The following KSR2 variants were observed in gnomAD, a reference collection of about 807,000 sequenced individuals.
The protein encoded by KSR2 is kinase suppressor of ras 2.
Under a neutral mutation model 107.8 loss-of-function variants are expected in KSR2, and 25 were observed. That is an observed-to-expected ratio of 0.23 (90% CI 0.17 to 0.32). The LOEUF (loss-of-function observed/expected upper bound fraction) is 0.32, where lower values mean the gene tolerates loss of function less well. KSR2 is among the 10% of genes least tolerant of loss of function. KSR2 has a pLI of 1.00. For missense variants in KSR2, 887 were observed against 1,268.9 expected, an observed-to-expected ratio of 0.70 and a Z score of 4.57; for synonymous variants, 480 against 507.0, an observed-to-expected ratio of 0.95 and a Z score of 0.71.
At chr12:117,672,046 C>T (rs2136501827) in intron 4 of KSR2, among the ~76,000 whole-genome samples, 1 of 152,316 alleles carries the variant, frequency 6.6e-6, no homozygotes, top group South Asian at 2.1e-4. Context: ...CTGCTTATCT[C>T]CCCAGGGGCC....
intron 5 of KSR2, among the ~76,000 whole-genome samples, chr12:117,629,753 C>A (rs1233271066): frequency 1.3e-5 from 2 of 152,132 alleles, no homozygotes; most frequent in South Asian, 4.2e-4. Flanking sequence ...TTAAAATGTC[C>A]TTTAATTGAT....
At chr12:117,687,842 T>C (rs191082116) in intron 4 of KSR2, among the ~76,000 whole-genome samples, 2 of 152,220 alleles carry the variant, frequency 1.3e-5, no homozygotes, top group African/African-American at 4.8e-5. Flanking sequence ...CTCAATCTAG[T>C]AGTGGTCCCT....
chr12:117,849,710 GAGAC>G (rs529678913), intron 3 of KSR2, among the ~76,000 whole-genome samples: 18 of 152,170 alleles, frequency 1.2e-4, no homozygotes, highest in Non-Finnish European at 2.5e-4. Context: ...GAAAGAGAGA[GAGAC>G]AGACAGACAG....
chr12:117,916,068 G>T (rs1486218540), intron 1 of KSR2, among the ~76,000 whole-genome samples: 1 of 151,172 alleles, frequency 6.6e-6, no homozygotes, highest in Non-Finnish European at 1.5e-5. Context: ...AGGGGCTGAA[G>T]ATGAATTCTT....
chr12:117,797,615 A>G (rs1055813859), intron 3 of KSR2, among the ~76,000 whole-genome samples: 4 of 151,346 alleles, frequency 2.6e-5, no homozygotes, highest in African/African-American at 9.8e-5. Flanking sequence ...TGTTCACTTT[A>G]AAACGATTAA....
chr12:117,879,634 T>C (rs1346152482), intron 1 of KSR2, among the ~76,000 whole-genome samples: 1 of 152,240 alleles, frequency 6.6e-6, no homozygotes, highest in Non-Finnish European at 1.5e-5. Flanking sequence ...AGAGGATTGC[T>C]TGAGCCCAGG....
At position 117,453,049 on chromosome 12, in the gene KSR2, T is replaced by C. The variant is rs1870415268; in HGVS notation, c.*14150A>G. 6.6e-6 allele frequency: 1 copy of C among 152,628 alleles called. No homozygotes were observed. Among genetic ancestry groups the C allele is most frequent in the Admixed American group, 6.5e-5 (1 of 15,284 alleles). 9.5% of individuals were successfully genotyped at this position (152,628 alleles called of 1,614,324 possible). ...CAGACCTGTCTTGGCAGTAGTGCAA[T>C]GCAGTAATTCTCAAATTTTTTATTG... On this transcript the variant is annotated 3_prime_UTR_variant, in exon 20 of 20. Transcript: ENST00000339824.
chr12:117,878,765 C>T (rs1236402815), intron 1 of KSR2, among the ~76,000 whole-genome samples: 2 of 152,212 alleles, frequency 1.3e-5, no homozygotes, highest in Non-Finnish European at 2.9e-5. Context: ...AAGCAGGTCT[C>T]ACTGCAGCAA....
chr12:117,772,713 AACAC>A (rs895435108), intron 3 of KSR2, among the ~76,000 whole-genome samples: 1 of 121,024 alleles, frequency 8.3e-6, no homozygotes, highest in African/African-American at 3.2e-5. Context: ...AAGATGCACA[AACAC>A]ACACTCACAC....
chr12:117,855,446 T>C lies in KSR2; in HGVS notation c.454A>G (p.Arg152Gly). The part of the protein sequence containing the change: ...ARLNASLSCL[R>G]NVHMSGGNLS... ...TGCTCACCTGACATGTGGACATTCC[T>C]GAGGCAGGAGAGGGAGGCGTTGAGG... The change falls in exon 3 of 20, where the codon AGG (arginine) becomes GGG (glycine). Residue 152 changes from arginine (R) to glycine (G), a missense_variant. Around this residue, in one of 8 missense-constraint regions of KSR2, gnomAD observed 399 missense variants for 479.5 expected, o/e 0.83. Coordinates refer to ENST00000339824, the MANE Select transcript of KSR2 (RefSeq NM_173598.6). 2 of 1,613,992 alleles carry C rather than the reference T, an allele frequency of 1.2e-6. No individual in the cohort carries two copies. The highest frequency in any genetic ancestry group is 1.7e-6 in the Non-Finnish European group (2 of 1,179,894).
chr12:117,842,118 G>A lies in KSR2; in HGVS notation c.472+13310C>T, dbSNP rs931490806. ...AGATTTCTGGGCACTGCCCCGGACT[G>A]GCTGAAGCAGGAACTCTGGGAGTGG... On this transcript the variant is annotated intron_variant, in intron 3 of 19. Coordinates refer to ENST00000339824, the MANE Select transcript of KSR2 (RefSeq NM_173598.6). The surrounding 1 kb of genome is among the most constrained non-coding windows in gnomAD (Gnocchi z 4.2). Among the ~76,000 whole-genome samples the A allele has an allele frequency of 6.6e-6, 1 of 152,246 alleles. No homozygotes were observed.
intron 4 of KSR2, among the ~76,000 whole-genome samples, chr12:117,702,203 C>A (rs564912519): frequency 6.6e-6 from 1 of 152,190 alleles, no homozygotes. Flanking sequence ...AAGCCTCCCC[C>A]AATGTCACTG....
rs1555249508 is a variant in KSR2 at position 117,848,826 on chromosome 12, A to ATGGTGGTAG, written c.472+6593_472+6601dup. The stretch of plus-strand genomic sequence containing the variant: ...ACAACAGTGATGGTGGTGGGTGGTG[A>ATGGTGGTAG]TGGTGGTAGTGGTGGTGATGGTGAT... On this transcript the variant is annotated intron_variant, in intron 3 of 19. Transcript: ENST00000339824. 1.0e-3 allele frequency among the ~76,000 whole-genome samples: 133 copies of ATGGTGGTAG among 128,144 alleles called. 1 individual carries two copies. The highest frequency in any genetic ancestry group is 1.7e-3 in the South Asian group (6 of 3,470). The allele number at this position is 128,144 out of a possible 152,430, so 84.1% of individuals were successfully genotyped here.
chr12:117,514,049 A>G (rs969944480), intron 14 of KSR2, among the ~76,000 whole-genome samples: 2 of 152,368 alleles, frequency 1.3e-5, no homozygotes, highest in African/African-American at 2.4e-5. Context: ...CCTGCCGGCA[A>G]TACTGAGGAA....
At chr12:117,484,281 G>C in intron 16 of KSR2, 135 bp downstream of exon 16, 1 of 951,320 alleles carries the variant, frequency 1.1e-6, no homozygotes. Context: ...CACATCAGTA[G>C]AGCAGCTGCC....
Position 117,860,280 on chromosome 12 carries a change from C to A in KSR2, c.321+11G>T. 6.2e-7 allele frequency: 1 copy of A among 1,605,968 alleles called. No homozygotes were observed. The highest frequency in any genetic ancestry group is 8.5e-7 in the Non-Finnish European group (1 of 1,173,680). On this transcript the variant is annotated intron_variant, in intron 2 of 19. Transcript: ENST00000339824. ...GTAAGGGGCAGGGGACACAGGGGCC[C>A]CCCAGGTCACCTCCAGGACCTCCTT...
At chr12:117,698,190 G>A (rs189663047) in intron 4 of KSR2, among the ~76,000 whole-genome samples, 4 of 152,258 alleles carry the variant, frequency 2.6e-5, no homozygotes, top group Admixed American at 6.5e-5. Flanking sequence ...GTAAATTTCT[G>A]TTGTTTAAGG....
At chr12:117,623,667 G>A (rs1012616843) in intron 5 of KSR2, among the ~76,000 whole-genome samples, 3 of 152,180 alleles carry the variant, frequency 2.0e-5, no homozygotes, top group African/African-American at 7.2e-5. Context: ...CTTTGCTATT[G>A]TGAATAGTGC....
In KSR2 at chr12:117,815,961, C is replaced by T. The variant is rs139436880; in HGVS notation, c.472+39467G>A. The stretch of plus-strand genomic sequence containing the variant: ...CTTCACTCCAGCCTGGACAACAGAG[C>T]AAAACTCTGTCTCAAAAAAAAAAAA... On this transcript the variant is annotated intron_variant, in intron 3 of 19. Coordinates refer to ENST00000339824, the MANE Select transcript of KSR2 (RefSeq NM_173598.6). 3.4e-3 allele frequency among the ~76,000 whole-genome samples: 437 copies of T among 128,362 alleles called. 8 individuals are homozygous for T. The highest frequency in any genetic ancestry group is 0.025 in the East Asian group (108 of 4,368). 84.2% of individuals were successfully genotyped at this position (128,362 alleles called of 152,430 possible). A position where few individuals can be genotyped will look rare whatever the true frequency, so the allele number is the denominator to read the frequency against.
Sources: gnomAD v4.1 joint callset for allele counts (sites outside exome capture counted in the v4.1 genomes callset) on GRCh38, gnomAD v4.1.1 for gene constraint, gnomAD v4.1.1 regional missense constraint, Gnocchi (gnomAD v3.1) non-coding constraint, MANE v1.5 for transcripts, NCBI Gene and HGNC (gene_info 2026-07-23, HGNC 2026-07-21) for gene names.